DNAH1: variants seen among roughly 807,000 people sequenced by gnomAD.
The protein encoded by DNAH1 is dynein axonemal heavy chain 1, also known as axonemal beta dynein heavy chain 1.
A neutral mutation model predicts 484.3 loss-of-function variants in DNAH1; 327 were observed. The ratio of observed to expected loss-of-function variants is 0.68; its 90% CI spans 0.62 to 0.74. The LOEUF (loss-of-function observed/expected upper bound fraction) is 0.74. Ranked by LOEUF, DNAH1 falls within the 30% of genes least tolerant of loss-of-function variation. The pLI is 0.00. For synonymous variants in DNAH1, 2,192 were observed against 2,191.9 expected, an observed-to-expected ratio of 1.00 and a Z score of 0.00; for missense variants, 5,052 against 5,546.8, an observed-to-expected ratio of 0.91 and a Z score of 2.83.
At chr3:52,344,783 C>A in intron 9 of DNAH1, 136 bp downstream of exon 9, 1 of 996,126 alleles carries the variant, frequency 1.0e-6, no homozygotes, top group South Asian at 1.6e-5. Context: ...TCCCCTGTCT[C>A]CAGCACTTGT....
intron 44 of DNAH1, among the ~76,000 whole-genome samples, 163 bp downstream of exon 44, chr3:52,373,216 G>A (rs930929245): frequency 2.6e-5 from 4 of 152,064 alleles, no homozygotes; most frequent in Non-Finnish European, 4.4e-5. Flanking sequence ...GGGGAGGGGC[G>A]GAGAGACGCC....
At position 52,392,457 on chromosome 3, in the gene DNAH1, C is replaced by T. The variant is rs142135103; in HGVS notation, c.10053-7C>T. ...ATTACAGACTTGGTGTCCCCTGCCC[C>T]CGGCAGTGGCCTAGAGGACCAGCTA... On this transcript the variant is annotated splice_polypyrimidine_tract_variant and splice_region_variant and intron_variant, in intron 63 of 77. Coordinates refer to ENST00000420323, the MANE Select transcript of DNAH1 (RefSeq NM_015512.5). 1.1e-4 allele frequency: 173 copies of T among 1,613,058 alleles called. No individual in the cohort carries two copies. Among genetic ancestry groups the T allele is most frequent in the Middle Eastern group, 1.8e-4 (1 of 5,500 alleles).
intron 57 of DNAH1, 24 bp downstream of exon 57, chr3:52,388,358 G>C (rs776593773): frequency 6.2e-7 from 1 of 1,600,202 alleles, no homozygotes; most frequent in Admixed American, 1.7e-5. Flanking sequence ...GGAGCTGGTG[G>C]GGGAGGGCTC....
chr3:52,370,884 C>T (rs1011110322), intron 41 of DNAH1, 59 bp downstream of exon 41: 1 of 1,511,070 alleles, frequency 6.6e-7, no homozygotes, highest in Middle Eastern at 2.2e-4. Context: ...GGCTGCTGTT[C>T]CCGCAATGAA....
At chr3:52,392,259 G>A (rs959861464) in intron 63 of DNAH1, among the ~76,000 whole-genome samples, 1 of 152,206 alleles carries the variant, frequency 6.6e-6, no homozygotes, top group Non-Finnish European at 1.5e-5. Context: ...GCCACCCAAG[G>A]TCTCACTGAG....
upstream of DNAH1, among the ~76,000 whole-genome samples, chr3:52,312,497 GTCTC>G (rs986596367): frequency 1.4e-5 from 2 of 147,300 alleles, no homozygotes; most frequent in Admixed American, 6.8e-5. Flanking sequence ...TTGAGATGGA[GTCTC>G]TCTCTGTCAC....
intron 6 of DNAH1, 67 bp downstream of exon 6, chr3:52,328,081 G>A: frequency 6.3e-7 from 1 of 1,581,784 alleles, no homozygotes; most frequent in East Asian, 2.3e-5. Flanking sequence ...ACAGACTCCT[G>A]GGCTCCCCTG....
At chr3:52,371,626 A>G (rs368310346) in intron 41 of DNAH1, among the ~76,000 whole-genome samples, 12 of 152,216 alleles carry the variant, frequency 7.9e-5, no homozygotes, top group African/African-American at 2.9e-4. Flanking sequence ...GGGTTGTTCA[A>G]TTCTCGGAGC....
rs542229356 is a variant in DNAH1 at position 52,400,255 on chromosome 3, T to C, written c.12677-70T>C. The C allele has an allele frequency of 3.3e-5, 52 of 1,593,586 alleles. No individual in the cohort carries two copies. In the South Asian group the frequency reaches 5.7e-4, roughly 18 times the overall value. On this transcript the variant is annotated intron_variant, in intron 77 of 77. Transcript: ENST00000420323. ...CCTCAGCTTAGTCTGCCCACTGCCC[T>C]GCCCCTACGCTATCCCTGCTAGTAG...
chr3:52,318,146 G>T (rs1433307457), intron 1 of DNAH1, among the ~76,000 whole-genome samples: 1 of 152,236 alleles, frequency 6.6e-6, no homozygotes, highest in African/African-American at 2.4e-5. Context: ...CCACCTCCCG[G>T]GTTCAAGCGA....
intron 23 of DNAH1, 27 bp from the exon 24 acceptor site, chr3:52,357,871 G>C (rs200838325): frequency 5.0e-6 from 8 of 1,604,854 alleles, no homozygotes; most frequent in Non-Finnish European, 6.8e-6. Context: ...TGCACGACCC[G>C]CTTCCTCACC....
At chr3:52,360,161 A>C in intron 27 of DNAH1, 82 bp downstream of exon 27, 1 of 1,590,768 alleles carries the variant, frequency 6.3e-7, no homozygotes, top group Non-Finnish European at 8.6e-7. Context: ...GTTAGCAATA[A>C]GCTGGTCTCT....
At position 52,392,904 on chromosome 3, in the gene DNAH1, C is replaced by A. The variant is rs560473874; in HGVS notation, c.10353C>A (p.Ile3451=). 8.2e-5 allele frequency: 132 copies of A among 1,612,894 alleles called. 3 individuals carry two copies. In the South Asian group the frequency reaches 1.4e-3, roughly 17 times the overall value. ...GCATGGAGTACATACCCGTGGCCAT[C>A]CGCACCCAGATCCTCTTCTTCTGTG... The part of the protein sequence containing the change: ...LTRMEYIPVA[I]RTQILFFCVS... The change falls in exon 65 of 78, where the codon ATC becomes ATA. Residue 3451 remains isoleucine, a synonymous_variant. Transcript: ENST00000420323.
chr3:52,348,848 C>T, intron 12 of DNAH1, 40 bp from the exon 13 acceptor site: 1 of 1,596,946 alleles, frequency 6.3e-7, no homozygotes, highest in Non-Finnish European at 8.5e-7. Context: ...CACCCCCTGG[C>T]TCATCCAGGT....
intron 44 of DNAH1, chr3:52,374,303 A>C: frequency 1.3e-6 from 2 of 1,535,188 alleles, no homozygotes; most frequent in Non-Finnish European, 1.8e-6. Flanking sequence ...TTTCTTATTG[A>C]AGGTGTTACT....
chr3:52,359,396 A>C lies in DNAH1; in HGVS notation c.4407+10A>C, dbSNP rs1296369708. 5 of 1,567,646 alleles carry C rather than the reference A, an allele frequency of 3.2e-6. No homozygotes were observed. Among genetic ancestry groups the C allele is most frequent in the South Asian group, 1.2e-5 (1 of 85,270 alleles). On this transcript the variant is annotated intron_variant, in intron 26 of 77. Transcript: ENST00000420323. ...CCAGCTCTGCCAGCAGGTTGGAGTC[A>C]AGAGGACCCCTGTCTGTCCCCCTCC... is the stretch of plus-strand genomic sequence containing the variant.
Position 52,365,151 on chromosome 3 carries a change from G to A in DNAH1, c.5518+132G>A. ...CTGGCCAAGTGTGCTGCAGGCCCGG[G>A]CTCTCAGCCGAGCAATCCAGAGGCA... On this transcript the variant is annotated intron_variant, in intron 34 of 77. Transcript: ENST00000420323. The A allele has an allele frequency of 2.3e-6, 3 of 1,281,168 alleles. No homozygotes were observed. The South Asian group carries it at 4.7e-5, about 20-fold the overall frequency. 79.4% of individuals were successfully genotyped at this position (1,281,168 alleles called of 1,614,324 possible). A position where few individuals can be genotyped will look rare whatever the true frequency, so the allele number is the denominator to read the frequency against.
At chr3:52,341,930 G>A (rs1701955493) in intron 8 of DNAH1, among the ~76,000 whole-genome samples, 1 of 152,146 alleles carries the variant, frequency 6.6e-6, no homozygotes, top group Non-Finnish European at 1.5e-5. Context: ...TGCACCCTGG[G>A]GACTCTCAGC....
chr3:52,398,936 T>A lies in DNAH1; in HGVS notation c.12176T>A (p.Leu4059Gln). 1 of 1,613,422 alleles carries A rather than the reference T, an allele frequency of 6.2e-7. No homozygotes were observed. The highest frequency in any genetic ancestry group is 8.5e-7 in the Non-Finnish European group (1 of 1,179,478). ...LKGLVVMSSQ[L>Q]ELMAASLYNN... ...GGGCTGGTAGTGATGTCCTCTCAGC[T>A]GGAGCTGATGGCTGCCAGCCTGTAC... Residue 4059 changes from leucine (L) to glutamine (Q), a missense_variant, in exon 76 of 78, where the codon CTG becomes CAG. Physicochemically the swap from Leu to Gln is moderately radical, Grantham distance 113. Around this residue, in one of 4 missense-constraint regions of DNAH1, gnomAD observed 853 missense variants for 899.0 expected, o/e 0.95. Transcript: ENST00000420323.
Sources: gnomAD v4.1 joint callset for allele counts (sites outside exome capture counted in the v4.1 genomes callset) on GRCh38, gnomAD v4.1.1 for gene constraint, gnomAD v4.1.1 regional missense constraint, MANE v1.5 for transcripts, NCBI Gene and HGNC (gene_info 2026-07-23, HGNC 2026-07-21) for gene names.